Variants in TEX15 observed in about 807,000 individuals in gnomAD.
The protein encoded by TEX15 is testis-expressed protein 15.
In TEX15, 171 loss-of-function variants were observed where a neutral mutation model predicts 237.3. The observed-to-expected ratio is 0.72, with a 90% CI of 0.64 to 0.82. TEX15 has a LOEUF of 0.82. Ranked by LOEUF, TEX15 falls within the 40% of genes least tolerant of loss-of-function variation. The pLI is 0.00. For synonymous variants in TEX15, 1,338 were observed against 1,269.8 expected, an observed-to-expected ratio of 1.05 and a Z score of -1.14; for missense variants, 3,750 against 3,646.5, an observed-to-expected ratio of 1.03 and a Z score of -0.73.
chr8:30,843,621 A>G lies in TEX15; in HGVS notation c.6546T>C (p.His2182=). Residue 2182 remains histidine (H), a synonymous_variant, in exon 8 of 11, where the codon CAT becomes CAC. Transcript: ENST00000643185. ...GAGAAAAATCAAAGCAATCGGAACA[A>G]TGCTCCATTATGGCTTCACATTCAT... ...QVNECEAIME[H]CSDCFDFSLS... 6.2e-7 allele frequency: 1 copy of G among 1,612,932 alleles called. No individual in the cohort carries two copies. Among genetic ancestry groups the G allele is most frequent in the Non-Finnish European group, 8.5e-7 (1 of 1,179,720 alleles).
chr8:30,847,696 T>C lies in TEX15; in HGVS notation c.2471A>G (p.Tyr824Cys), dbSNP rs763123330. The stretch of plus-strand genomic sequence containing the variant: ...ATCTTCAACATAAGCAGTTTCTTTA[T>C]AGTCTCTCTGAATGTTCTCTAATGA... ...PVSLENIQRDYKETAYVEDRG... is the reference protein window; with the variant it reads ...PVSLENIQRDCKETAYVEDRG... The change falls in exon 8 of 11, where the codon TAT (tyrosine) becomes TGT (cysteine). Residue 824 changes from tyrosine to cysteine, a missense_variant. By Grantham distance (194) the Tyr-to-Cys change is radical. Coordinates refer to ENST00000643185, the MANE Select transcript of TEX15 (RefSeq NM_001350162.2). 6 of 1,613,952 alleles carry C rather than the reference T, an allele frequency of 3.7e-6. No homozygotes were observed. The highest frequency in any genetic ancestry group is 3.3e-5 in the South Asian group (3 of 91,080).
chr8:30,846,563 C>T lies in TEX15; in HGVS notation c.3604G>A (p.Gly1202Arg), dbSNP rs769326421. ...EINKEDGEIL[G>R]FDIYSQPFGE... ...AAAGGCTGGGAATAAATGTCAAATCCTAGAATTTCTCCATCTTCCTTATTT... is the reference window on the plus strand; with the variant it reads ...AAAGGCTGGGAATAAATGTCAAATCTTAGAATTTCTCCATCTTCCTTATTT... Residue 1202 changes from glycine (G) to arginine (R), a missense_variant, in exon 8 of 11, where the codon GGA becomes AGA. Gly to Arg is a moderately radical substitution (Grantham distance 125). Coordinates refer to ENST00000643185, the MANE Select transcript of TEX15 (RefSeq NM_001350162.2). 3 of 1,613,696 alleles carry T rather than the reference C, an allele frequency of 1.9e-6. No individual in the cohort carries two copies. The East Asian group carries it at 6.7e-5, about 36-fold the overall frequency.
chr8:30,844,175 C>A lies in TEX15; in HGVS notation c.5992G>T (p.Ala1998Ser). ...HCSANHTALI[A>S]NLSQILQRAD... ...CTCTGCAAAATTTGAGATAGATTAG[C>A]TATAAGGGCCGTATGATTAGCTGAG... Residue 1998 changes from alanine to serine, a missense_variant, in exon 8 of 11, where the codon GCT (alanine) becomes TCT (serine). Coordinates refer to ENST00000643185, the MANE Select transcript of TEX15 (RefSeq NM_001350162.2). 1 of 1,612,750 alleles carries A rather than the reference C, an allele frequency of 6.2e-7. No homozygotes were observed. Among genetic ancestry groups the A allele is most frequent in the Non-Finnish European group, 8.5e-7 (1 of 1,179,398 alleles).
At chr8:30,854,073 C>T (rs567620333) in intron 7 of TEX15, among the ~76,000 whole-genome samples, 1 of 151,738 alleles carries the variant, frequency 6.6e-6, no homozygotes, top group East Asian at 1.9e-4. Flanking sequence ...CAAAACCTAA[C>T]CTTCCATCTT....
chr8:30,850,834 T>G (rs16877419), intron 7 of TEX15, among the ~76,000 whole-genome samples: 17,733 of 152,042 alleles, frequency 0.12, 1,713 homozygotes, highest in African/African-American at 0.27. Context: ...ATTATTTTAA[T>G]AGGTCAAAAT....
intron 3 of TEX15, among the ~76,000 whole-genome samples, chr8:30,884,910 A>G (rs1808612466): frequency 6.6e-6 from 1 of 152,066 alleles, no homozygotes; most frequent in Non-Finnish European, 1.5e-5. Flanking sequence ...CCTAAGGTGT[A>G]AACGTAAATT....
chr8:30,840,416 G>C (rs1310429883), intron 8 of TEX15, among the ~76,000 whole-genome samples: 1 of 151,984 alleles, frequency 6.6e-6, no homozygotes, highest in Admixed American at 6.6e-5. Context: ...GGCTGGTCTC[G>C]AACTCCTGAC....
At position 30,842,007 on chromosome 8, in the gene TEX15, T is replaced by C. The variant is rs1370605694; in HGVS notation, c.8160A>G (p.Leu2720=). ...QDTTVSSCKK[L]KVDMKDVTKI... Reference sequence around the variant, plus strand: ...TTTTGTTTTAAAACATACATACCTTTAGCTTTTTACAACTGGAAACAGTAG... The same window carrying C: ...TTTTGTTTTAAAACATACATACCTTCAGCTTTTTACAACTGGAAACAGTAG... Residue 2720 remains leucine (L), a synonymous_variant, in exon 8 of 11, where the codon CTA becomes CTG. Coordinates refer to ENST00000643185, the MANE Select transcript of TEX15 (RefSeq NM_001350162.2). 6.4e-7 allele frequency: 1 copy of C among 1,573,702 alleles called. No homozygotes were observed. The highest frequency in any genetic ancestry group is 1.4e-5 in the African/African-American group (1 of 72,744).
chr8:30,833,632 C>T (rs1807228523), intron 10 of TEX15, among the ~76,000 whole-genome samples: 1 of 152,172 alleles, frequency 6.6e-6, no homozygotes, highest in Non-Finnish European at 1.5e-5. Flanking sequence ...GTTCCATTTT[C>T]TGGTGTTGAA....
At chr8:30,901,022 T>C (rs6468012) in intron 1 of TEX15, among the ~76,000 whole-genome samples, 54,689 of 151,982 alleles carry the variant, frequency 0.36, 15,080 homozygotes, top group African/African-American at 0.77. Flanking sequence ...CCTGTAGTCC[T>C]AGCTACTCAG....
Position 30,837,213 on chromosome 8 carries a change from C to A in TEX15, c.9071G>T (p.Cys3024Phe). ...CTCAGAAGAATTATATGTTGGGTTA[C>A]ATGCAGACTGTGGAAGTTCATTCCA... ...TYWNELPQSACNPTYNSSEHL... is the reference protein window; with the variant it reads ...TYWNELPQSAFNPTYNSSEHL... Residue 3024 changes from cysteine (C) to phenylalanine (F), a missense_variant, in exon 10 of 11, where the codon TGT becomes TTT. Cys to Phe is a radical substitution (Grantham distance 205, BLOSUM62 -2). Coordinates refer to ENST00000643185, the MANE Select transcript of TEX15 (RefSeq NM_001350162.2). 5.6e-6 allele frequency: 9 copies of A among 1,614,128 alleles called. No individual in the cohort carries two copies. Among genetic ancestry groups the A allele is most frequent in the Non-Finnish European group, 7.6e-6 (9 of 1,180,018 alleles).
In TEX15 at chr8:30,887,271, G is replaced by A. The variant is rs765160200; in HGVS notation, c.32C>T (p.Thr11Ile). ...GCTAGTTGAGCTCATTTGCCACAGT[G>A]TATCCTGTTTAGCAGTTTCTTTCAT... MEMKETAKQD[T>I]LWQMSSTSKP... The change falls in exon 3 of 11, where the codon ACA becomes ATA. Residue 11 changes from threonine to isoleucine, a missense_variant. Coordinates refer to ENST00000643185, the MANE Select transcript of TEX15 (RefSeq NM_001350162.2). The A allele has an allele frequency of 9.8e-6, 15 of 1,535,374 alleles. No individual in the cohort carries two copies. The highest frequency in any genetic ancestry group is 1.3e-5 in the Non-Finnish European group (15 of 1,146,648).
intron 3 of TEX15, among the ~76,000 whole-genome samples, chr8:30,877,705 T>G (rs1808429730): frequency 6.6e-6 from 1 of 152,108 alleles, no homozygotes; most frequent in Non-Finnish European, 1.5e-5. Context: ...TTCACAGAGG[T>G]CCTGTGTACC....
At chr8:30,874,594 ACT>A (rs1280326273) in intron 4 of TEX15, among the ~76,000 whole-genome samples, 2 of 152,152 alleles carry the variant, frequency 1.3e-5, no homozygotes, top group Non-Finnish European at 2.9e-5. Flanking sequence ...AAAAGAAGTT[ACT>A]TTTTGATTAC....
intron 7 of TEX15, among the ~76,000 whole-genome samples, chr8:30,855,114 G>A (rs1044553866): frequency 6.6e-6 from 1 of 151,744 alleles, no homozygotes; most frequent in African/African-American, 2.4e-5. Context: ...CTTAGCCAGG[G>A]CAATTATGCA....
At chr8:30,866,522 T>C (rs79773416) in intron 5 of TEX15, among the ~76,000 whole-genome samples, 9,298 of 152,228 alleles carry the variant, frequency 0.061, 523 homozygotes, top group Admixed American at 0.19. Context: ...TTATATCATC[T>C]TGATATCTCA....
rs747792803 is a variant in TEX15, at chr8:30,845,835, C to T, written c.4332G>A (p.Lys1444=). The T allele has an allele frequency of 5.0e-6, 8 of 1,609,202 alleles. No homozygotes were observed. Among genetic ancestry groups the T allele is most frequent in the Non-Finnish European group, 8.5e-7 (1 of 1,178,782 alleles). Residue 1444 remains lysine, a synonymous_variant, in exon 8 of 11, where the codon AAG becomes AAA. Transcript: ENST00000643185. ...SVSQRKYYST[K]HFSSKRKYDK... ...CATATTTTCTTTTTGACGAAAAATG[C>T]TTAGTAGAATAATATTTTCTTTGAG...
At chr8:30,888,688 C>T (rs755293352) in intron 2 of TEX15, 61 of 1,280,008 alleles carry the variant, frequency 4.8e-5, no homozygotes, top group Non-Finnish European at 5.9e-5. Context: ...TGCTTAGTTC[C>T]AACATTAGAT....
chr8:30,850,523 T>C (rs1410328705), intron 7 of TEX15, among the ~76,000 whole-genome samples: 1 of 152,208 alleles, frequency 6.6e-6, no homozygotes, highest in Admixed American at 6.5e-5. Context: ...AGAGCTATGT[T>C]GAAGATTTCT....
Sources: gnomAD v4.1 joint callset for allele counts (sites outside exome capture counted in the v4.1 genomes callset) on GRCh38, gnomAD v4.1.1 for gene constraint, MANE v1.5 for transcripts, NCBI Gene and HGNC (gene_info 2026-07-23, HGNC 2026-07-21) for gene names.